Variants in SKI observed in about 807,000 individuals in gnomAD.
SKI encodes the protein SKI proto-oncogene, also known as ski oncogene.
SKI carries 23 observed loss-of-function variants against 59.3 expected under a neutral mutation model. The observed-to-expected ratio is 0.39, with a 90% CI of 0.28 to 0.55. SKI has a LOEUF of 0.55. SKI is among the 20% of genes least tolerant of loss of function. The pLI is 0.67. For missense variants in SKI, 1,017 were observed against 1,038.9 expected (o/e 0.98, Z 0.29); for synonymous variants, 673 against 488.6 (o/e 1.38, Z -4.98).
intron 1 of SKI, among the ~76,000 whole-genome samples, chr1:2,244,230 C>T (rs1638942880): frequency 6.6e-6 from 1 of 151,474 alleles, no homozygotes; most frequent in Non-Finnish European, 1.5e-5. Flanking sequence ...TCCCAAAGTG[C>T]TGGGATTACA....
At chr1:2,249,080 G>C (rs1639061860) in intron 1 of SKI, among the ~76,000 whole-genome samples, 1 of 152,252 alleles carries the variant, frequency 6.6e-6, no homozygotes, top group African/African-American at 2.4e-5. Flanking sequence ...GCCAGTGGCA[G>C]ATGCGGTCGA....
chr1:2,273,056 T>C (rs1483376845), intron 1 of SKI, among the ~76,000 whole-genome samples: 2 of 152,214 alleles, frequency 1.3e-5, no homozygotes, highest in African/African-American at 2.4e-5. Flanking sequence ...CCACCTGCGT[T>C]CAGTGCAGAT....
intron 1 of SKI, among the ~76,000 whole-genome samples, chr1:2,277,333 C>T (rs1257719611): frequency 2.0e-5 from 3 of 152,116 alleles, no homozygotes; most frequent in Admixed American, 1.3e-4. Flanking sequence ...TGAATTGTAT[C>T]TCCAAGAATT....
chr1:2,229,534 G>A lies in SKI; in HGVS notation c.768G>A (p.Pro256=), dbSNP rs1057521232. ...QCLDCRLMYP[P]HKFVVHSHKA... is the part of the protein sequence containing the mutation. ...TGGACTGCCGCCTCATGTACCCGCC[G>A]CACAAGTTCGTGGTGCACTCGCACA... The change falls in exon 1 of 7, where the codon CCG becomes CCA. Residue 256 remains proline, a synonymous_variant. Transcript: ENST00000378536. The surrounding 1 kb of genome is among the most constrained non-coding windows in gnomAD (Gnocchi z 6.3). 6 of 1,611,214 alleles carry A rather than the reference G, an allele frequency of 3.7e-6. No individual in the cohort carries two copies. Among genetic ancestry groups the A allele is most frequent in the Non-Finnish European group, 4.2e-6 (5 of 1,179,908 alleles).
intron 1 of SKI, among the ~76,000 whole-genome samples, chr1:2,231,895 C>T (rs1004729988): frequency 1.3e-5 from 2 of 152,258 alleles, no homozygotes; most frequent in African/African-American, 4.8e-5. Flanking sequence ...CGCTCAGTGC[C>T]TGCCCTTTAG....
intron 1 of SKI, among the ~76,000 whole-genome samples, chr1:2,260,529 CTTTTTCTTT>C (rs1023774406): frequency 1.6e-4 from 8 of 51,324 alleles, no homozygotes; most frequent in African/African-American, 6.5e-4. Flanking sequence ...TCAGTTTGTT[CTTTTTCTTT>C]TTTTTTTTTT....
At chr1:2,249,056 T>C (rs765308340) in intron 1 of SKI, among the ~76,000 whole-genome samples, 12 of 152,212 alleles carry the variant, frequency 7.9e-5, no homozygotes, top group Non-Finnish European at 1.5e-4. Flanking sequence ...GCCTGGAGTG[T>C]GCGAGGCTGT....
chr1:2,273,504 G>C (rs1040692100), intron 1 of SKI, among the ~76,000 whole-genome samples: 2 of 152,116 alleles, frequency 1.3e-5, no homozygotes, highest in African/African-American at 4.8e-5. Flanking sequence ...ATGGAAACGG[G>C]AGGGCCTGGC....
rs554391897 is a variant in SKI, at chr1:2,269,651, C to T, written c.970-33327C>T. Among the ~76,000 whole-genome samples the T allele has an allele frequency of 1.3e-5, 2 of 152,240 alleles. No individual in the cohort carries two copies. Among genetic ancestry groups the T allele is most frequent in the Admixed American group, 1.3e-4 (2 of 15,292 alleles). On this transcript the variant is annotated intron_variant, in intron 1 of 6. Transcript: ENST00000378536. This position sits in a 1 kb window ranked among gnomAD's most constrained non-coding sequence, Gnocchi z 4.7. ...CATGGCTGGCCCTGGACCTCTCCTC[C>T]TTCCTTCCTTGTTGGTTGCTGTTAA...
intron 5 of SKI, among the ~76,000 whole-genome samples, chr1:2,304,919 C>T (rs560261361): frequency 2.0e-5 from 3 of 152,322 alleles, no homozygotes; most frequent in Admixed American, 6.5e-5. Context: ...TAAGGGAGGC[C>T]GGGCTATTTT....
intron 5 of SKI, among the ~76,000 whole-genome samples, chr1:2,305,263 G>A (rs115346280): frequency 0.014 from 2,091 of 152,314 alleles, 51 homozygotes; most frequent in African/African-American, 0.047. Context: ...AGGGAAGTGC[G>A]GTTCACAGGC....
At chr1:2,296,256 A>G (rs1316126881) in intron 1 of SKI, among the ~76,000 whole-genome samples, 1 of 151,654 alleles carries the variant, frequency 6.6e-6, no homozygotes, top group Admixed American at 6.6e-5. Flanking sequence ...TTAGCTGGGC[A>G]TGGTGGCACA....
chr1:2,246,794 T>C (rs1639007312), intron 1 of SKI, among the ~76,000 whole-genome samples: 1 of 152,146 alleles, frequency 6.6e-6, no homozygotes. Flanking sequence ...GGGGCTGCTC[T>C]TCTGTGAAGG....
At chr1:2,263,959 T>G (rs1569757956) in intron 1 of SKI, among the ~76,000 whole-genome samples, 1 of 152,058 alleles carries the variant, frequency 6.6e-6, no homozygotes, top group East Asian at 1.9e-4. Flanking sequence ...GAGGATCCCT[T>G]AAGCCCAGGA....
rs971536212 is a variant in SKI at position 2,229,950 on chromosome 1, C to T, written c.969+215C>T. 6.6e-6 allele frequency among the ~76,000 whole-genome samples: 1 copy of T among 152,200 alleles called. No homozygotes were observed. The highest frequency in any genetic ancestry group is 1.5e-5 in the Non-Finnish European group (1 of 68,042). ...CCTCCTGCCCGTTCCCCAGGACGAG[C>T]CTGGAGTGCGGGCTGTGGCGGTGGG... On this transcript the variant is annotated intron_variant, in intron 1 of 6. Transcript: ENST00000378536. The surrounding 1 kb of genome is among the most constrained non-coding windows in gnomAD (Gnocchi z 6.3).
At chr1:2,288,819 A>AC (rs1170255092) in intron 1 of SKI, among the ~76,000 whole-genome samples, 1 of 152,012 alleles carries the variant, frequency 6.6e-6, no homozygotes, top group Non-Finnish European at 1.5e-5. Context: ...TGTCTCAGGT[A>AC]CCAAGTTCGT....
chr1:2,285,853 A>G (rs1417021355), intron 1 of SKI, among the ~76,000 whole-genome samples: 3 of 142,366 alleles, frequency 2.1e-5, no homozygotes, highest in Non-Finnish European at 3.0e-5. Flanking sequence ...GGCGTGAGCC[A>G]CCGCACCAGC....
chr1:2,301,929 T>TG (rs1640435216), intron 1 of SKI, among the ~76,000 whole-genome samples: 1 of 152,214 alleles, frequency 6.6e-6, no homozygotes, highest in African/African-American at 2.4e-5. Flanking sequence ...TGCTGTCCTG[T>TG]GGGGTCTTTG....
At chr1:2,291,799 C>G (rs974429769) in intron 1 of SKI, among the ~76,000 whole-genome samples, 7 of 152,328 alleles carry the variant, frequency 4.6e-5, no homozygotes, top group South Asian at 4.1e-4. Flanking sequence ...AAAGATTTGG[C>G]TTTTTGTCAT....
Sources: gnomAD v4.1 joint callset for allele counts (sites outside exome capture counted in the v4.1 genomes callset) on GRCh38, gnomAD v4.1.1 for gene constraint, Gnocchi (gnomAD v3.1) non-coding constraint, MANE v1.5 for transcripts, NCBI Gene and HGNC (gene_info 2026-07-23, HGNC 2026-07-21) for gene names.